SEL1L2: variants seen among roughly 807,000 people sequenced by gnomAD.
SEL1L2 encodes SEL1L2 adaptor subunit of SYVN1 ubiquitin ligase.
A neutral mutation model predicts 98.8 loss-of-function variants in SEL1L2; 89 were observed. The ratio of observed to expected loss-of-function variants is 0.90; its 90% CI spans 0.76 to 1.07. The LOEUF (loss-of-function observed/expected upper bound fraction) is 1.07. Among genes scored for constraint, SEL1L2 ranks in the 50% least tolerant of loss-of-function variants. SEL1L2 has a pLI of 0.00. For missense variants in SEL1L2, 788 were observed against 812.0 expected (o/e 0.97, Z 0.36); for synonymous variants, 262 against 278.5 (o/e 0.94, Z 0.59).
At chr20:13,875,501 G>A (rs1034918825) in intron 12 of SEL1L2, among the ~76,000 whole-genome samples, 5 of 152,178 alleles carry the variant, frequency 3.3e-5, no homozygotes, top group Non-Finnish European at 7.3e-5. Flanking sequence ...TCAGTTTTAG[G>A]GCTGCCATTC....
At chr20:13,870,658 C>G (rs6131529) in intron 12 of SEL1L2, among the ~76,000 whole-genome samples, 10,767 of 152,168 alleles carry the variant, frequency 0.071, 603 homozygotes, top group South Asian at 0.18. Flanking sequence ...CATGGTGGCC[C>G]ATGCCTGTAA....
intron 10 of SEL1L2, among the ~76,000 whole-genome samples, chr20:13,877,820 A>G (rs1703653153): frequency 6.6e-6 from 1 of 152,166 alleles, no homozygotes; most frequent in African/African-American, 2.4e-5. Context: ...CTTACATATA[A>G]TTTTATAACA....
At chr20:13,969,087 A>G (rs777157474) in intron 1 of SEL1L2, among the ~76,000 whole-genome samples, 3 of 152,218 alleles carry the variant, frequency 2.0e-5, no homozygotes, top group Non-Finnish European at 4.4e-5. Context: ...AAATTTTGCA[A>G]TAGATAGAAA....
In SEL1L2 at chr20:13,865,462, G is replaced by T; in HGVS notation, c.1457C>A (p.Ala486Asp). ...LGHWAEKFLT[A>D]YFAYKDGDID... The stretch of plus-strand genomic sequence containing the variant: ...ATCACCATCCTTATAGGCAAAGTAA[G>T]CTGTCAGGAATTTCTCAGCCCAGTG... The change falls in exon 16 of 20, where the codon GCT (alanine) becomes GAT (aspartate). Residue 486 changes from alanine (A) to aspartate (D), a missense_variant. By Grantham distance (126) the Ala-to-Asp change is moderately radical. Transcript: ENST00000284951. 2.5e-6 allele frequency: 4 copies of T among 1,614,028 alleles called. No homozygotes were observed. Among genetic ancestry groups the T allele is most frequent in the Non-Finnish European group, 3.4e-6 (4 of 1,179,942 alleles).
At chr20:13,954,430 C>A (rs2050424422) in intron 2 of SEL1L2, among the ~76,000 whole-genome samples, 1 of 152,118 alleles carries the variant, frequency 6.6e-6, no homozygotes, top group Non-Finnish European at 1.5e-5. Flanking sequence ...GGGCTTTTCA[C>A]TTCTGCCATC....
At chr20:13,984,042 GTC>G (rs2052012167) in intron 1 of SEL1L2, among the ~76,000 whole-genome samples, 1 of 143,774 alleles carries the variant, frequency 7.0e-6, no homozygotes, top group African/African-American at 2.6e-5. Context: ...TTGAGTTGAA[GTC>G]TCTGTCACCC....
chr20:13,990,560 T>C lies in SEL1L2; in HGVS notation c.-26A>G, dbSNP rs776031616. 26 of 1,583,796 alleles carry C rather than the reference T, an allele frequency of 1.6e-5. No homozygotes were observed. The highest frequency in any genetic ancestry group is 2.1e-5 in the Non-Finnish European group (24 of 1,154,738). On this transcript the variant is annotated 5_prime_UTR_variant, in exon 1 of 20. Transcript: ENST00000284951. ...CTTCTCTTAAGCAGCTTCTCTTCAC[T>C]GTAACACAGGCAGAAACTAGGTGAT...
chr20:13,887,915 G>C (rs1403860027), intron 7 of SEL1L2, 27 bp downstream of exon 7: 2 of 1,610,590 alleles, frequency 1.2e-6, no homozygotes, highest in East Asian at 2.2e-5. Context: ...ATACAAATTT[G>C]GTTCCAAGAA....
At chr20:13,966,464 G>GC (rs1231514744) in intron 1 of SEL1L2, among the ~76,000 whole-genome samples, 1 of 151,760 alleles carries the variant, frequency 6.6e-6, no homozygotes, top group Non-Finnish European at 1.5e-5. Context: ...AATTACAGGC[G>GC]CCCATTACCA....
intron 5 of SEL1L2, among the ~76,000 whole-genome samples, chr20:13,901,702 C>T (rs993128928): frequency 6.7e-6 from 1 of 150,100 alleles, no homozygotes; most frequent in Non-Finnish European, 1.5e-5. Flanking sequence ...CACTCTGTCG[C>T]CCAGGCTGGA....
rs1384611263 is a variant in SEL1L2 at position 13,913,959 on chromosome 20, T to TAAAG, written c.387-19_387-16dup. On this transcript the variant is annotated splice_polypyrimidine_tract_variant and intron_variant, in intron 4 of 19. Transcript: ENST00000284951. ...GTAGGTAGGCTCTGTTTCAAGAATA[T>TAAAG]AAAGTCAAGTTTGATTTTCAAAAAT... 3.9e-6 allele frequency: 6 copies of TAAAG among 1,545,938 alleles called. No individual in the cohort carries two copies. The Middle Eastern group carries it at 5.1e-4, about 130-fold the overall frequency.
intron 2 of SEL1L2, among the ~76,000 whole-genome samples, chr20:13,944,062 T>C (rs2423764): frequency 0.99 from 150,409 of 152,234 alleles, 74,304 homozygotes; most frequent in East Asian, 1. Context: ...GCTTGAAGGT[T>C]GGGTCTCACC....
rs1408464808 is a variant in SEL1L2 at position 13,878,914 on chromosome 20, T to C, written c.958-1326A>G. Among the ~76,000 whole-genome samples, 3 of 152,314 alleles carry C rather than the reference T, an allele frequency of 2.0e-5. No individual in the cohort carries two copies. The East Asian group carries it at 5.8e-4, about 29-fold the overall frequency. The stretch of plus-strand genomic sequence containing the variant: ...AATAGGTGGTATAAAAGAAACTCCA[T>C]AAGGAATTAGAAGGGAATAGAATAA... On this transcript the variant is annotated intron_variant, in intron 10 of 19. Transcript: ENST00000284951.
chr20:13,856,536 CAAT>C (rs375528869), intron 18 of SEL1L2, among the ~76,000 whole-genome samples: 2 of 152,230 alleles, frequency 1.3e-5, no homozygotes, highest in Non-Finnish European at 2.9e-5. Context: ...GTTCTCAGAA[CAAT>C]GATGCAGTCA....
At chr20:13,987,794 T>C (rs2052305982) in intron 1 of SEL1L2, among the ~76,000 whole-genome samples, 1 of 152,236 alleles carries the variant, frequency 6.6e-6, no homozygotes, top group African/African-American at 2.4e-5. Flanking sequence ...TGGGAAAATT[T>C]CTATCCAATT....
chr20:13,935,053 T>A (rs1375985011), intron 2 of SEL1L2, among the ~76,000 whole-genome samples: 1 of 152,214 alleles, frequency 6.6e-6, no homozygotes, highest in Non-Finnish European at 1.5e-5. Context: ...GAGGAGGCAG[T>A]ACAAGTTTGG....
chr20:13,902,462 C>T (rs2047724800), intron 5 of SEL1L2, among the ~76,000 whole-genome samples: 1 of 152,118 alleles, frequency 6.6e-6, no homozygotes, highest in African/African-American at 2.4e-5. Context: ...TCATTATGAA[C>T]AAATGGATTT....
chr20:13,964,446 C>CT (rs568049752), intron 1 of SEL1L2, among the ~76,000 whole-genome samples: 40,297 of 104,674 alleles, frequency 0.38, 7,032 homozygotes, highest in East Asian at 0.51. Flanking sequence ...GCTATCTCTT[C>CT]ATTTTTTTTT....
chr20:13,905,542 C>CT (rs1268005575), intron 5 of SEL1L2, among the ~76,000 whole-genome samples: 1 of 152,126 alleles, frequency 6.6e-6, no homozygotes, highest in Non-Finnish European at 1.5e-5. Flanking sequence ...TCTCGATCTC[C>CT]TGACCTCATG....
Sources: allele counts gnomAD v4.1 joint callset (sites outside exome capture counted in the v4.1 genomes callset), GRCh38; gene constraint gnomAD v4.1.1; transcripts MANE v1.5; gene names NCBI Gene and HGNC (gene_info 2026-07-23, HGNC 2026-07-21).